WRAP73: variants seen among roughly 807,000 people sequenced by gnomAD.
WRAP73 encodes WD repeat containing, antisense to TP73, also known as WD repeat-containing protein WRAP73.
A neutral mutation model predicts 59.6 loss-of-function variants in WRAP73; 55 were observed. That is an observed-to-expected ratio of 0.92 (90% confidence interval 0.74 to 1.15). The LOEUF is 1.15. Ranked by LOEUF, WRAP73 falls within the 50% of genes most tolerant of loss-of-function variation. The pLI, the probability that WRAP73 is intolerant of heterozygous loss-of-function variation, is 0.00. For synonymous variants in WRAP73, 265 were observed against 258.2 expected (o/e 1.03, Z -0.25); for missense variants, 592 against 608.1 (o/e 0.97, Z 0.28).
intron 8 of WRAP73, 117 bp from the exon 9 acceptor site, chr1:3,633,620 G>C (rs1194145308): frequency 2.6e-6 from 2 of 773,696 alleles, no homozygotes; most frequent in East Asian, 5.7e-5. Context: ...ATGACAGCTG[G>C]TCCTGCTGCC....
At position 3,631,309 on chromosome 1, in the gene WRAP73, C is replaced by T. The variant is rs112524930; in HGVS notation, c.1240+157G>A. Reference sequence around the variant, plus strand: ...CCCATAAAGCTGAGGGCAGCGGGTCCCCTGTGTGTCCGTCTTGAGGTTTAC... The same window carrying T: ...CCCATAAAGCTGAGGGCAGCGGGTCTCCTGTGTGTCCGTCTTGAGGTTTAC... On this transcript the variant is annotated intron_variant, in intron 11 of 11. Coordinates refer to ENST00000270708, the MANE Select transcript of WRAP73 (RefSeq NM_017818.4). The T allele has an allele frequency of 1.1e-5, 14 of 1,289,766 alleles. 1 individual carries two copies. Among genetic ancestry groups the T allele is most frequent in the African/African-American group, 4.5e-5 (3 of 67,122 alleles). The allele number at this position is 1,289,766 out of a possible 1,614,324, so 79.9% of individuals were successfully genotyped here.
intron 4 of WRAP73, among the ~76,000 whole-genome samples, chr1:3,638,144 C>T (rs751446275): frequency 3.3e-5 from 5 of 152,188 alleles, no homozygotes; most frequent in Non-Finnish European, 7.4e-5. Context: ...TGTTTCATTC[C>T]GCAAAAAGAC....
chr1:3,635,405 G>C, intron 6 of WRAP73, 111 bp from the exon 7 acceptor site: 1 of 1,450,956 alleles, frequency 6.9e-7, no homozygotes, highest in Non-Finnish European at 9.4e-7. Flanking sequence ...AAGCTGGCAG[G>C]ACTGTCCGCG....
At chr1:3,633,984 G>A (rs2101955144) in intron 8 of WRAP73, 1 of 157,882 alleles carries the variant, frequency 6.3e-6, no homozygotes, top group South Asian at 1.9e-4. Flanking sequence ...AAGAGCCCCA[G>A]GTAAGGGAGT....
Position 3,646,247 on chromosome 1 carries a change from C to A in WRAP73, c.339+419G>T, listed in dbSNP as rs934906537. ...GGCGGTGGGGCTCGCAATCTGGATA[C>A]GCCAAAGAGAAGCCACAAAGTGCTT... On this transcript the variant is annotated intron_variant, in intron 3 of 11. Transcript: ENST00000270708. The surrounding 1 kb of genome is among the most constrained non-coding windows in gnomAD (Gnocchi z 5.1). Among the ~76,000 whole-genome samples the A allele has an allele frequency of 6.6e-6, 1 of 152,122 alleles. No individual in the cohort carries two copies. Among genetic ancestry groups the A allele is most frequent in the South Asian group, 2.1e-4 (1 of 4,826 alleles).
At chr1:3,636,242 C>T (rs780166659) in intron 5 of WRAP73, 14 of 573,170 alleles carry the variant, frequency 2.4e-5, no homozygotes, top group Non-Finnish European at 3.4e-5. Context: ...CTGGCCAGCC[C>T]CCAAGGGCGG....
intron 3 of WRAP73, among the ~76,000 whole-genome samples, chr1:3,641,994 T>G (rs1222353277): frequency 6.6e-6 from 1 of 152,204 alleles, no homozygotes; most frequent in African/African-American, 2.4e-5. Context: ...AAAAGGCCTG[T>G]GCCACCGCGG....
At chr1:3,635,414 C>T (rs572696640) in intron 6 of WRAP73, 120 bp from the exon 7 acceptor site, 33 of 1,380,478 alleles carry the variant, frequency 2.4e-5, no homozygotes, top group East Asian at 1.9e-4. Context: ...GGACTGTCCG[C>T]GTGGCCGTGG....
intron 9 of WRAP73, 111 bp from the exon 10 acceptor site, chr1:3,632,449 A>G (rs575869589): frequency 5.7e-4 from 886 of 1,552,728 alleles, no homozygotes; most frequent in Non-Finnish European, 7.3e-4. Context: ...TCCTCTGTTC[A>G]AAGGGGAGGA....
intron 3 of WRAP73, among the ~76,000 whole-genome samples, chr1:3,645,865 C>A (rs565654846): frequency 6.6e-6 from 1 of 152,056 alleles, no homozygotes; most frequent in Admixed American, 6.5e-5. Context: ...GGGCGGCTGC[C>A]GACCGCCCCG....
intron 1 of WRAP73, among the ~76,000 whole-genome samples, chr1:3,649,622 TA>T (rs1231149936): frequency 3.4e-5 from 5 of 145,164 alleles, no homozygotes; most frequent in Non-Finnish European, 6.1e-5. Context: ...CCGGCCCCCA[TA>T]TCTGCTTGGG....
chr1:3,633,237 A>C (rs1262623948), intron 9 of WRAP73, 161 bp downstream of exon 9: 6 of 705,790 alleles, frequency 8.5e-6, no homozygotes, highest in South Asian at 3.4e-5. Context: ...TTCAGACCCT[A>C]GTCAACCTCC....
At chr1:3,645,589 A>G (rs1036623228) in intron 3 of WRAP73, among the ~76,000 whole-genome samples, 4 of 152,158 alleles carry the variant, frequency 2.6e-5, no homozygotes, top group Non-Finnish European at 5.9e-5. Flanking sequence ...GACAGCTATG[A>G]GCACTCAGTG....
chr1:3,646,920 T>G lies in WRAP73; in HGVS notation c.223-138A>C. 1.5e-6 allele frequency: 1 copy of G among 650,024 alleles called. No homozygotes were observed. The highest frequency in any genetic ancestry group is 2.6e-6 in the Non-Finnish European group (1 of 380,074). The allele number at this position is 650,024 out of a possible 1,614,324, so 40.3% of individuals were successfully genotyped here. A position where few individuals can be genotyped will look rare whatever the true frequency, so the allele number is the denominator to read the frequency against. The stretch of plus-strand genomic sequence containing the variant: ...CTCATCAGCAGTCTATAGCGAGGCC[T>G]CGCCGAGAGACAACTCCCTTAAAAC... On this transcript the variant is annotated intron_variant, in intron 2 of 11. Transcript: ENST00000270708. The surrounding 1 kb of genome is among the most constrained non-coding windows in gnomAD (Gnocchi z 5.1).
At chr1:3,632,007 T>G in intron 10 of WRAP73, 1 of 1,449,616 alleles carries the variant, frequency 6.9e-7, no homozygotes, top group Non-Finnish European at 9.0e-7. Context: ...GGAGGCCTCC[T>G]GACTCATGCG....
At position 3,641,581 on chromosome 1, in the gene WRAP73, C is replaced by T. The variant is rs193164149; in HGVS notation, c.340-2759G>A. 2.5e-4 allele frequency among the ~76,000 whole-genome samples: 38 copies of T among 152,156 alleles called. No individual in the cohort carries two copies. The East Asian group carries it at 6.6e-3, about 26-fold the overall frequency. Reference sequence around the variant, plus strand: ...TCGCCCCGCAGCAGGCACCGGCTGCCGGACACAGGTGGGAGACGGACTGAG... The same window carrying T: ...TCGCCCCGCAGCAGGCACCGGCTGCTGGACACAGGTGGGAGACGGACTGAG... On this transcript the variant is annotated intron_variant, in intron 3 of 11. Coordinates refer to ENST00000270708, the MANE Select transcript of WRAP73 (RefSeq NM_017818.4).
intron 1 of WRAP73, 107 bp from the exon 2 acceptor site, chr1:3,647,667 C>A (rs12086552): frequency 1.1e-5 from 14 of 1,273,086 alleles, no homozygotes; most frequent in African/African-American, 1.5e-5. Flanking sequence ...TCTCTCCTGC[C>A]AGAGGTTTCA....
At position 3,635,292 on chromosome 1, in the gene WRAP73, G is replaced by T; in HGVS notation, c.606C>A (p.Tyr202Ter). 1 of 1,613,850 alleles carries T rather than the reference G, an allele frequency of 6.2e-7. No homozygotes were observed. ...CATCCAATGAGTACAGCAGAATCTT[G>T]TACTGCAGATGAGACATTTCAGTTA... ...VLAVWDTCLE[Y>*]KILLYSLDGR... is the part of the protein sequence containing the mutation. Residue 202 changes from tyrosine to a stop codon, truncating the protein, a stop_gained and splice_region_variant, in exon 7 of 12, where the codon TAC becomes TAA. Coordinates refer to ENST00000270708, the MANE Select transcript of WRAP73 (RefSeq NM_017818.4). LOFTEE classifies it high-confidence loss of function.
chr1:3,641,123 G>A lies in WRAP73; in HGVS notation c.340-2301C>T, dbSNP rs116258796. Among the ~76,000 whole-genome samples the A allele has an allele frequency of 9.7e-3, 1,481 of 152,344 alleles. 27 individuals are homozygous for A. Among genetic ancestry groups the A allele is most frequent in the African/African-American group, 0.032 (1,340 of 41,580 alleles). ...CTGACCACTGGAGAAGCCAGCGGAG[G>A]AGACCCGTGGGATGGGCTCCACAGC... On this transcript the variant is annotated intron_variant, in intron 3 of 11. Transcript: ENST00000270708.
Sources: allele counts gnomAD v4.1 joint callset (sites outside exome capture counted in the v4.1 genomes callset), GRCh38; gene constraint gnomAD v4.1.1; non-coding constraint Gnocchi (gnomAD v3.1); transcripts MANE v1.5; gene names NCBI Gene and HGNC (gene_info 2026-07-23, HGNC 2026-07-21).